C8orf34: variants seen among roughly 807,000 people sequenced by gnomAD.
C8orf34 encodes chromosome 8 open reading frame 34.
A neutral mutation model predicts 68.3 loss-of-function variants in C8orf34; 65 were observed. That is an observed-to-expected ratio of 0.95 (90% CI 0.78 to 1.17). C8orf34 has a LOEUF of 1.17. Among genes scored for constraint, C8orf34 ranks in the 50% most tolerant of loss-of-function variants. The pLI is 0.00. For synonymous variants in C8orf34, 244 were observed against 241.2 expected, an observed-to-expected ratio of 1.01 and a Z score of -0.11; for missense variants, 664 against 655.4, an observed-to-expected ratio of 1.01 and a Z score of -0.14.
chr8:68,463,726 T>A (rs1811964806), intron 3 of C8orf34, among the ~76,000 whole-genome samples: 1 of 152,140 alleles, frequency 6.6e-6, no homozygotes, highest in South Asian at 2.1e-4. Context: ...AAAAGGCCTT[T>A]GAAAAAATTC....
At chr8:68,418,288 C>T (rs1238199494) in intron 1 of C8orf34, among the ~76,000 whole-genome samples, 14 of 147,552 alleles carry the variant, frequency 9.5e-5, no homozygotes, top group Non-Finnish European at 1.8e-4. Context: ...CCCTTTATTT[C>T]CTTCTCCTGC....
At chr8:68,589,749 GGAAA>G (rs1163967148) in intron 7 of C8orf34, among the ~76,000 whole-genome samples, 3 of 142,678 alleles carry the variant, frequency 2.1e-5, no homozygotes, top group African/African-American at 7.8e-5. Context: ...GGAGAGAAGA[GGAAA>G]GGAAGGAAGG....
At chr8:68,484,711 C>T (rs540991440) in intron 4 of C8orf34, among the ~76,000 whole-genome samples, 2 of 152,082 alleles carry the variant, frequency 1.3e-5, no homozygotes, top group South Asian at 4.1e-4. Context: ...ATAAATGGTT[C>T]CCATTAGAGC....
chr8:68,685,503 T>G (rs1820487411), intron 8 of C8orf34, among the ~76,000 whole-genome samples: 1 of 152,120 alleles, frequency 6.6e-6, no homozygotes, highest in Admixed American at 6.6e-5. Context: ...CGTCCTTACA[T>G]GTAATACTCA....
intron 11 of C8orf34, among the ~76,000 whole-genome samples, chr8:68,782,942 C>T (rs568991567): frequency 1.3e-5 from 2 of 151,354 alleles, no homozygotes; most frequent in East Asian, 3.9e-4. Context: ...CATAGTGGCA[C>T]GTGCCTGTAG....
At chr8:68,562,461 G>A (rs1049290261) in intron 7 of C8orf34, among the ~76,000 whole-genome samples, 4 of 152,126 alleles carry the variant, frequency 2.6e-5, no homozygotes, top group African/African-American at 9.7e-5. Flanking sequence ...AGCTGGCATT[G>A]TGTTAGACAC....
chr8:68,460,683 G>C (rs567203858), intron 3 of C8orf34, among the ~76,000 whole-genome samples: 1 of 152,154 alleles, frequency 6.6e-6, no homozygotes, highest in East Asian at 1.9e-4. Context: ...AGGCAAACAG[G>C]GTCTGGAGTG....
intron 1 of C8orf34, among the ~76,000 whole-genome samples, chr8:68,332,212 G>C (rs1057169739): frequency 1.3e-4 from 19 of 151,952 alleles, no homozygotes; most frequent in African/African-American, 2.4e-4. Context: ...AGCGTCCCGC[G>C]GGTTGCCAGG....
intron 7 of C8orf34, among the ~76,000 whole-genome samples, chr8:68,615,701 A>T (rs564418259): frequency 3.9e-5 from 6 of 152,284 alleles, no homozygotes; most frequent in African/African-American, 1.4e-4. Context: ...CCAGTATTTT[A>T]TTGAGGATTT....
rs577298416 is a variant in C8orf34, at chr8:68,632,616, C to T, written c.1106-7760C>T. Among the ~76,000 whole-genome samples the T allele has an allele frequency of 1.4e-3, 219 of 152,172 alleles. 1 individual carries two copies. Among genetic ancestry groups the T allele is most frequent in the African/African-American group, 5.1e-3 (213 of 41,500 alleles). On this transcript the variant is annotated intron_variant, in intron 7 of 13. Transcript: ENST00000518698. ...CATGTCAGAGATCTTCACAGCAGCCCCTCCCATCGCAAGCCTGGCAGCCTA... is the reference window on the plus strand; with the variant it reads ...CATGTCAGAGATCTTCACAGCAGCCTCTCCCATCGCAAGCCTGGCAGCCTA...
chr8:68,723,821 T>C (rs1821751200), intron 10 of C8orf34, among the ~76,000 whole-genome samples: 1 of 152,184 alleles, frequency 6.6e-6, no homozygotes, highest in Non-Finnish European at 1.5e-5. Flanking sequence ...AGAAATTAGC[T>C]TTATTTGACC....
At chr8:68,334,958 G>T (rs1438418964) in intron 1 of C8orf34, among the ~76,000 whole-genome samples, 2 of 152,088 alleles carry the variant, frequency 1.3e-5, no homozygotes, top group African/African-American at 2.4e-5. Context: ...ACTCCAATTT[G>T]CTGCCAACCC....
chr8:68,772,749 C>A (rs1823384913), intron 10 of C8orf34, among the ~76,000 whole-genome samples: 1 of 126,642 alleles, frequency 7.9e-6, no homozygotes, highest in Non-Finnish European at 1.6e-5. Flanking sequence ...TTCTCTCTTT[C>A]TCTCCTTCCT....
chr8:68,352,844 C>A (rs746433974), intron 1 of C8orf34, among the ~76,000 whole-genome samples: 24 of 152,134 alleles, frequency 1.6e-4, no homozygotes, highest in Middle Eastern at 3.4e-3. Context: ...AAGTTGTGAA[C>A]AATAAGTATG....
chr8:68,353,650 T>C (rs1806620088), intron 1 of C8orf34, among the ~76,000 whole-genome samples: 2 of 147,732 alleles, frequency 1.4e-5, no homozygotes, highest in Non-Finnish European at 3.0e-5. Flanking sequence ...TATATATATA[T>C]ATATATAGTT....
intron 4 of C8orf34, among the ~76,000 whole-genome samples, chr8:68,470,365 T>C (rs148512898): frequency 1.2e-4 from 18 of 152,140 alleles, no homozygotes; most frequent in South Asian, 2.1e-4. Context: ...ACATGGTCAA[T>C]CAACTTTTGT....
At position 68,693,318 on chromosome 8, in the gene C8orf34, G is replaced by A. The variant is rs141512304; in HGVS notation, c.1242-15676G>A. On this transcript the variant is annotated intron_variant, in intron 8 of 13. Transcript: ENST00000518698. ...AGACTTCTGTTGGTAGGGCCCAGTG[G>A]AAGTGATGCCATAGAAGGATTTAGT... is the stretch of plus-strand genomic sequence containing the variant. Among the ~76,000 whole-genome samples, 131 of 152,112 alleles carry A rather than the reference G, an allele frequency of 8.6e-4. 1 individual carries two copies. Among genetic ancestry groups the A allele is most frequent in the African/African-American group, 3.0e-3 (126 of 41,536 alleles).
At chr8:68,679,278 C>A (rs1172366911) in intron 8 of C8orf34, among the ~76,000 whole-genome samples, 1 of 151,900 alleles carries the variant, frequency 6.6e-6, no homozygotes, top group African/African-American at 2.4e-5. Flanking sequence ...CAGAACGAGA[C>A]TTTGTCTAAA....
intron 1 of C8orf34, among the ~76,000 whole-genome samples, chr8:68,398,803 G>T (rs1389534947): frequency 1.3e-5 from 2 of 152,114 alleles, no homozygotes; most frequent in African/African-American, 2.4e-5. Flanking sequence ...TGCTAAATAT[G>T]CAATTTTAAC....
Sources: gnomAD v4.1 joint callset for allele counts (sites outside exome capture counted in the v4.1 genomes callset) on GRCh38, gnomAD v4.1.1 for gene constraint, MANE v1.5 for transcripts, NCBI Gene and HGNC (gene_info 2026-07-23, HGNC 2026-07-21) for gene names.